Variants in PRKN observed in about 807,000 individuals in gnomAD.
PRKN encodes E3 ubiquitin-protein ligase parkin.
A neutral mutation model predicts 59.5 loss-of-function variants in PRKN; 56 were observed. The ratio of observed to expected loss-of-function variants is 0.94; its 90% CI spans 0.76 to 1.18. PRKN has a LOEUF of 1.18. Among genes scored for constraint, PRKN ranks in the 50% most tolerant of loss-of-function variants. PRKN has a pLI of 0.00. For missense variants in PRKN, 657 were observed against 596.4 expected, an observed-to-expected ratio of 1.10 and a Z score of -1.06; for synonymous variants, 250 against 222.1, an observed-to-expected ratio of 1.13 and a Z score of -1.12.
intron 8 of PRKN, among the ~76,000 whole-genome samples, chr6:161,565,143 T>C (rs910674728): frequency 6.6e-6 from 1 of 152,082 alleles, no homozygotes; most frequent in African/African-American, 2.4e-5. Flanking sequence ...GCTTACACTG[T>C]TGTTGTAACA....
chr6:161,689,910 A>G (rs1785714009), intron 7 of PRKN, among the ~76,000 whole-genome samples: 1 of 84,676 alleles, frequency 1.2e-5, no homozygotes, highest in Non-Finnish European at 3.0e-5. Flanking sequence ...GGATTTCACC[A>G]TGTTGGCCAG....
rs536314646 is a variant in PRKN at position 162,608,108 on chromosome 6, T to A, written c.7+119554A>T. 4.6e-5 allele frequency among the ~76,000 whole-genome samples: 7 copies of A among 152,300 alleles called. No individual in the cohort carries two copies. The South Asian group carries it at 1.5e-3, about 32-fold the overall frequency. ...TTACAGAAGACAGCAATGCAAAGATTGAAAAGCAAAGGTAGATTCTAGGCC... is the reference window on the plus strand; with the variant it reads ...TTACAGAAGACAGCAATGCAAAGATAGAAAAGCAAAGGTAGATTCTAGGCC... On this transcript the variant is annotated intron_variant, in intron 1 of 11. Coordinates refer to ENST00000366898, the MANE Select transcript of PRKN (RefSeq NM_004562.3).
rs1007489903 is a variant in PRKN at position 161,402,235 on chromosome 6, C to T, written c.1084-15358G>A. 6.6e-5 allele frequency among the ~76,000 whole-genome samples: 10 copies of T among 152,220 alleles called. No homozygotes were observed. Among genetic ancestry groups the T allele is most frequent in the Non-Finnish European group, 8.8e-5 (6 of 68,022 alleles). ...TCAGTGACCTGAAAAATGCTATCTC[C>T]CAGCAACATGCACACCTTGCAGTGT... On this transcript the variant is annotated intron_variant, in intron 9 of 11. Transcript: ENST00000366898. The surrounding 1 kb of genome is among the most constrained non-coding windows in gnomAD (Gnocchi z 4.5).
intron 3 of PRKN, among the ~76,000 whole-genome samples, chr6:162,219,860 T>C (rs373463995): frequency 2.8e-4 from 42 of 152,328 alleles, no homozygotes; most frequent in African/African-American, 9.1e-4. Context: ...GCCAGGCATG[T>C]ACAGTTGCTC....
In PRKN at chr6:161,703,835, CTCTCTTTTTTTTTTTTTTTT is replaced by C. The variant is rs1299416412; in HGVS notation, c.871+81917_871+81936del. On this transcript the variant is annotated intron_variant, in intron 7 of 11. Transcript: ENST00000366898. ...AGGACACACATCTCTCTCTCTCTCT[CTCTCTTTTTTTTTTTTTTTT>C]TTTTTTTTTTTTTTTTTTTTTACAG... Among the ~76,000 whole-genome samples the C allele has an allele frequency of 3.8e-3, 484 of 126,472 alleles. 15 individuals are homozygous for C. Among genetic ancestry groups the C allele is most frequent in the African/African-American group, 0.015 (460 of 31,334 alleles). 83.0% of individuals were successfully genotyped at this position (126,472 alleles called of 152,430 possible).
At chr6:162,608,146 G>C (rs991734533) in intron 1 of PRKN, among the ~76,000 whole-genome samples, 1 of 152,184 alleles carries the variant, frequency 6.6e-6, no homozygotes, top group Non-Finnish European at 1.5e-5. Context: ...CTCTAACACA[G>C]AGCATAAACA....
intron 6 of PRKN, among the ~76,000 whole-genome samples, chr6:161,843,880 G>A (rs140032319): frequency 6.6e-6 from 1 of 152,130 alleles, no homozygotes; most frequent in African/African-American, 2.4e-5. Context: ...AGTTTGCATC[G>A]AGGGTGAATC....
intron 1 of PRKN, among the ~76,000 whole-genome samples, chr6:162,608,081 T>G: frequency 6.6e-6 from 1 of 152,186 alleles, no homozygotes; most frequent in East Asian, 1.9e-4. Context: ...AGTTTTGTGT[T>G]TTTACAGAAG....
intron 2 of PRKN, among the ~76,000 whole-genome samples, chr6:162,266,937 G>C (rs139714638): frequency 6.6e-6 from 1 of 152,232 alleles, no homozygotes; most frequent in East Asian, 1.9e-4. Flanking sequence ...CTATCAATGT[G>C]ACAATCTCTC....
intron 2 of PRKN, among the ~76,000 whole-genome samples, chr6:162,272,588 C>T (rs912511118): frequency 6.6e-6 from 1 of 152,020 alleles, no homozygotes; most frequent in Non-Finnish European, 1.5e-5. Context: ...GAACCACATG[C>T]GAGTTTATGC....
intron 1 of PRKN, among the ~76,000 whole-genome samples, chr6:162,724,968 T>A (rs377374157): frequency 6.6e-6 from 1 of 152,358 alleles, no homozygotes; most frequent in East Asian, 1.9e-4. Flanking sequence ...GCAATGGTCA[T>A]CTGCAATCCT....
At chr6:162,091,586 G>A (rs1562507567) in intron 4 of PRKN, among the ~76,000 whole-genome samples, 1 of 152,158 alleles carries the variant, frequency 6.6e-6, no homozygotes, top group Non-Finnish European at 1.5e-5. Flanking sequence ...ACAAGGACAG[G>A]TGAACTCTCT....
intron 7 of PRKN, among the ~76,000 whole-genome samples, chr6:161,704,145 C>G (rs761439365): frequency 6.6e-6 from 1 of 152,018 alleles, no homozygotes; most frequent in Admixed American, 6.6e-5. Flanking sequence ...TGTTAGCCAC[C>G]ACGCCCGGCC....
At position 161,911,617 on chromosome 6, in the gene PRKN, T is replaced by G. The variant is rs533191025; in HGVS notation, c.734+61685A>C. Among the ~76,000 whole-genome samples, 3 of 152,212 alleles carry G rather than the reference T, an allele frequency of 2.0e-5. No homozygotes were observed. In the South Asian group the frequency reaches 6.2e-4, roughly 32 times the overall value. ...AAATCTGCTATTCAACATATCTTGG[T>G]GTTATTGTCACTGGAGGAAAATGGA... is the stretch of plus-strand genomic sequence containing the variant. On this transcript the variant is annotated intron_variant, in intron 6 of 11. Coordinates refer to ENST00000366898, the MANE Select transcript of PRKN (RefSeq NM_004562.3).
At chr6:162,692,075 T>C (rs895461158) in intron 1 of PRKN, among the ~76,000 whole-genome samples, 4 of 152,100 alleles carry the variant, frequency 2.6e-5, no homozygotes, top group Admixed American at 2.0e-4. Context: ...TGCCATTGCT[T>C]TTGGTGTTTT....
intron 6 of PRKN, among the ~76,000 whole-genome samples, chr6:161,918,055 TACA>T (rs1318274671): frequency 1.3e-5 from 2 of 152,356 alleles, no homozygotes; most frequent in East Asian, 3.9e-4. Flanking sequence ...GTTTGCAATT[TACA>T]ACAACAAAGA....
intron 1 of PRKN, among the ~76,000 whole-genome samples, chr6:162,601,135 T>C (rs573791980): frequency 6.6e-6 from 1 of 152,232 alleles, no homozygotes; most frequent in South Asian, 2.1e-4. Context: ...CATAAGATGG[T>C]GAAGGGCACA....
rs1199765110 is a variant in PRKN at position 161,468,594 on chromosome 6, T to A, written c.1083+80260A>T. On this transcript the variant is annotated intron_variant, in intron 9 of 11. Coordinates refer to ENST00000366898, the MANE Select transcript of PRKN (RefSeq NM_004562.3). This position sits in a 1 kb window ranked among gnomAD's most constrained non-coding sequence, Gnocchi z 5.9. ...CAATGTCGTCTGCTATTATTTCAAA[T>A]ACTCATATTTCAGGAAGGCTCAGAT... Among the ~76,000 whole-genome samples, 1 of 152,214 alleles carries A rather than the reference T, an allele frequency of 6.6e-6. No homozygotes were observed. Among genetic ancestry groups the A allele is most frequent in the Non-Finnish European group, 1.5e-5 (1 of 68,040 alleles).
intron 1 of PRKN, among the ~76,000 whole-genome samples, chr6:162,698,071 C>G (rs2047566541): frequency 6.6e-6 from 1 of 152,182 alleles, no homozygotes; most frequent in South Asian, 2.1e-4. Flanking sequence ...CATATGTTAA[C>G]TAAAAGCCTA....
Sources: allele counts gnomAD v4.1 joint callset (sites outside exome capture counted in the v4.1 genomes callset), GRCh38; gene constraint gnomAD v4.1.1; non-coding constraint Gnocchi (gnomAD v3.1); transcripts MANE v1.5; gene names NCBI Gene and HGNC (gene_info 2026-07-23, HGNC 2026-07-21).